MIPOL1: variants seen among roughly 807,000 people sequenced by gnomAD.
MIPOL1 encodes the protein mirror-image polydactyly gene 1 protein.
A neutral mutation model predicts 60.9 loss-of-function variants in MIPOL1; 57 were observed. The observed-to-expected ratio is 0.94, with a 90% CI of 0.76 to 1.17. MIPOL1 has a LOEUF of 1.17. Ranked by LOEUF, MIPOL1 falls within the 50% of genes most tolerant of loss-of-function variation. The pLI is 0.00. For synonymous variants in MIPOL1, 179 were observed against 168.8 expected (o/e 1.06, Z -0.47); for missense variants, 551 against 511.6 (o/e 1.08, Z -0.74).
chr14:37,211,828 G>T (rs1463090101), intron 1 of MIPOL1, among the ~76,000 whole-genome samples: 1 of 151,724 alleles, frequency 6.6e-6, no homozygotes, highest in Non-Finnish European at 1.5e-5. Flanking sequence ...CCTTCTGCTT[G>T]AGGAGAGGGA....
chr14:37,338,634 C>A (rs1041847539), intron 9 of MIPOL1, among the ~76,000 whole-genome samples: 1 of 152,022 alleles, frequency 6.6e-6, no homozygotes, highest in Non-Finnish European at 1.5e-5. Flanking sequence ...GTCTAGAAGT[C>A]CTGGCCTCAA....
At chr14:37,538,657 G>A (rs192814831) in intron 12 of MIPOL1, among the ~76,000 whole-genome samples, 52 of 152,240 alleles carry the variant, frequency 3.4e-4, no homozygotes, top group Middle Eastern at 3.4e-3. Flanking sequence ...GGCTGGCTGC[G>A]ATTCACTTTA....
At chr14:37,351,062 C>A (rs1424615283) in intron 9 of MIPOL1, among the ~76,000 whole-genome samples, 4 of 117,736 alleles carry the variant, frequency 3.4e-5, no homozygotes, top group African/African-American at 9.7e-5. Context: ...TCCCCCCTCC[C>A]CCCACCCCAC....
At chr14:37,516,808 A>G (rs188012189) in intron 12 of MIPOL1, among the ~76,000 whole-genome samples, 45 of 152,282 alleles carry the variant, frequency 3.0e-4, no homozygotes, top group African/African-American at 9.1e-4. Context: ...AATAAACTAT[A>G]TTATACTTGG....
rs554981824 is a variant in MIPOL1, at chr14:37,477,180, G to A, written c.1032-22728G>A. 2.4e-4 allele frequency among the ~76,000 whole-genome samples: 37 copies of A among 152,090 alleles called. No homozygotes were observed. The South Asian group carries it at 5.2e-3, about 21-fold the overall frequency. On this transcript the variant is annotated intron_variant, in intron 11 of 12. Coordinates refer to ENST00000684589, the MANE Select transcript of MIPOL1 (RefSeq NM_001388067.1). ...CTCCCAAAGTGCTAGGATTACAGGC[G>A]TGAGCCACTGCACCCGGCCTCTTAA...
At chr14:37,213,790 A>G (rs1023548657) in intron 1 of MIPOL1, among the ~76,000 whole-genome samples, 10 of 152,314 alleles carry the variant, frequency 6.6e-5, no homozygotes, top group African/African-American at 1.4e-4. Flanking sequence ...GAAACTCCCA[A>G]AGGTCAGTGA....
At chr14:37,518,522 A>T (rs1388857301) in intron 12 of MIPOL1, among the ~76,000 whole-genome samples, 2 of 152,022 alleles carry the variant, frequency 1.3e-5, no homozygotes, top group Non-Finnish European at 2.9e-5. Context: ...TTTAGTAGAG[A>T]TGGGTTTTTG....
At chr14:37,343,677 T>C (rs2090738481) in intron 9 of MIPOL1, among the ~76,000 whole-genome samples, 1 of 152,188 alleles carries the variant, frequency 6.6e-6, no homozygotes, top group South Asian at 2.1e-4. Flanking sequence ...ACTTAAGGCA[T>C]GTTTATCTTT....
intron 7 of MIPOL1, among the ~76,000 whole-genome samples, chr14:37,298,230 G>T (rs1296331487): frequency 2.0e-5 from 3 of 152,132 alleles, no homozygotes; most frequent in Non-Finnish European, 4.4e-5. Flanking sequence ...AATGGTGCTG[G>T]GAAAACTGGT....
intron 9 of MIPOL1, among the ~76,000 whole-genome samples, chr14:37,328,432 T>C (rs1482772364): frequency 6.6e-6 from 1 of 152,160 alleles, no homozygotes; most frequent in Non-Finnish European, 1.5e-5. Context: ...GGGACCATTT[T>C]TTAAGTTTTT....
intron 12 of MIPOL1, among the ~76,000 whole-genome samples, chr14:37,521,095 C>A (rs578186461): frequency 3.2e-4 from 49 of 151,744 alleles, no homozygotes; most frequent in Non-Finnish European, 4.3e-4. Flanking sequence ...AGCCACCACG[C>A]CTGGCTAATT....
chr14:37,249,291 C>T (rs923292037), intron 3 of MIPOL1, among the ~76,000 whole-genome samples: 3 of 152,096 alleles, frequency 2.0e-5, no homozygotes, highest in Non-Finnish European at 4.4e-5. Flanking sequence ...CAACAGGGCT[C>T]CTGTTCAGCA....
At chr14:37,226,524 C>G (rs530654891) in intron 1 of MIPOL1, among the ~76,000 whole-genome samples, 1 of 152,306 alleles carries the variant, frequency 6.6e-6, no homozygotes. Context: ...TTCACTACCA[C>G]GAGAACAGTA....
At chr14:37,445,152 G>A (rs1467056638) in intron 11 of MIPOL1, among the ~76,000 whole-genome samples, 2 of 152,084 alleles carry the variant, frequency 1.3e-5, no homozygotes, top group Admixed American at 1.3e-4. Flanking sequence ...GTTTGCAGAT[G>A]ACATGATTGT....
chr14:37,455,544 T>C (rs2153578014), intron 11 of MIPOL1, among the ~76,000 whole-genome samples: 1 of 152,294 alleles, frequency 6.6e-6, no homozygotes, highest in East Asian at 1.9e-4. Context: ...TAGTTATCTG[T>C]ATACTGTTAT....
chr14:37,264,340 G>GT (rs1480099942), intron 3 of MIPOL1, among the ~76,000 whole-genome samples: 1 of 151,882 alleles, frequency 6.6e-6, no homozygotes, highest in Non-Finnish European at 1.5e-5. Context: ...AAAAAAAATT[G>GT]TAAGGTCAGG....
At chr14:37,304,630 G>A (rs966005331) in intron 7 of MIPOL1, among the ~76,000 whole-genome samples, 1 of 151,706 alleles carries the variant, frequency 6.6e-6, no homozygotes, top group Non-Finnish European at 1.5e-5. Context: ...GGAGGTCAAC[G>A]TTTGGCATCT....
At chr14:37,375,703 A>C (rs990259117) in intron 10 of MIPOL1, among the ~76,000 whole-genome samples, 8 of 151,976 alleles carry the variant, frequency 5.3e-5, no homozygotes, top group African/African-American at 1.7e-4. Flanking sequence ...CTCTTGACAC[A>C]CTAGTTTTCT....
intron 9 of MIPOL1, among the ~76,000 whole-genome samples, chr14:37,331,721 A>G (rs2089705395): frequency 6.6e-6 from 1 of 152,132 alleles, no homozygotes; most frequent in South Asian, 2.1e-4. Context: ...AAAAAAGGAT[A>G]ATTTCAATTC....
Sources: allele counts gnomAD v4.1 joint callset (sites outside exome capture counted in the v4.1 genomes callset), GRCh38; gene constraint gnomAD v4.1.1; transcripts MANE v1.5; gene names NCBI Gene and HGNC (gene_info 2026-07-23, HGNC 2026-07-21).